Variants in CERS6 observed in about 807,000 individuals in gnomAD.
CERS6 encodes ceramide synthase 6, also known as LAG1 homolog, ceramide synthase 6.
In CERS6, 26 loss-of-function variants were observed where a neutral mutation model predicts 56.8. The ratio of observed to expected loss-of-function variants is 0.46; its 90% CI spans 0.34 to 0.63. CERS6 has a LOEUF of 0.63. Ranked by LOEUF, CERS6 falls within the 30% of genes least tolerant of loss-of-function variation. The pLI, the probability that CERS6 is intolerant of heterozygous loss-of-function variation, is 0.01. For synonymous variants in CERS6, 164 were observed against 173.3 expected (o/e 0.95, Z 0.42); for missense variants, 415 against 467.5 (o/e 0.89, Z 1.04).
In CERS6 at chr2:168,640,058, G is replaced by T. The variant is rs542366894; in HGVS notation, c.465+9016G>T. 2.6e-5 allele frequency among the ~76,000 whole-genome samples: 4 copies of T among 152,256 alleles called. No homozygotes were observed. In the East Asian group the frequency reaches 7.7e-4, roughly 29 times the overall value. On this transcript the variant is annotated intron_variant, in intron 4 of 9. Coordinates refer to ENST00000305747, the MANE Select transcript of CERS6 (RefSeq NM_203463.3). ...GTAGGCTTCCACAAGGAAGTGAAGA[G>T]TGAAAAGGATAAAGTAACTTTTTCC...
intron 8 of CERS6, among the ~76,000 whole-genome samples, chr2:168,732,108 T>G (rs1479620561): frequency 6.6e-6 from 1 of 152,208 alleles, no homozygotes; most frequent in East Asian, 1.9e-4. Flanking sequence ...GACCCCCTTC[T>G]TCTTTCCTAG....
intron 2 of CERS6, among the ~76,000 whole-genome samples, chr2:168,559,656 A>G (rs1013142516): frequency 1.4e-5 from 2 of 147,596 alleles, no homozygotes; most frequent in South Asian, 4.4e-4. Context: ...GGGTTTCAAC[A>G]TACAAATTTT....
At chr2:168,684,913 TG>T (rs1190886311) in intron 4 of CERS6, among the ~76,000 whole-genome samples, 1 of 151,724 alleles carries the variant, frequency 6.6e-6, no homozygotes, top group African/African-American at 2.4e-5. Flanking sequence ...ATTTTTCTTA[TG>T]TTTTTTTTCT....
At chr2:168,734,712 T>C (rs1338469282) in intron 8 of CERS6, among the ~76,000 whole-genome samples, 1 of 152,164 alleles carries the variant, frequency 6.6e-6, no homozygotes, top group Admixed American at 6.5e-5. Flanking sequence ...CTATATCACT[T>C]TGGTTTAAAA....
chr2:168,579,483 C>T (rs182929169), intron 3 of CERS6, among the ~76,000 whole-genome samples: 4 of 152,256 alleles, frequency 2.6e-5, no homozygotes, highest in Non-Finnish European at 2.9e-5. Context: ...TCCTTCCTTG[C>T]GTGCCATGCT....
At position 168,668,401 on chromosome 2, in the gene CERS6, A is replaced by C. The variant is rs141990193; in HGVS notation, c.466-22633A>C. ...CATGTCCTAAGGAGTCCTTCTGTGA[A>C]TGGAGCTTTAGTTCATTGCTTGCAC... On this transcript the variant is annotated intron_variant, in intron 4 of 9. Coordinates refer to ENST00000305747, the MANE Select transcript of CERS6 (RefSeq NM_203463.3). Among the ~76,000 whole-genome samples the C allele has an allele frequency of 1.8e-3, 266 of 151,096 alleles. 1 individual carries two copies. The Middle Eastern group carries it at 0.025, about 14-fold the overall frequency.
At chr2:168,518,950 G>T (rs1368660437) in intron 1 of CERS6, among the ~76,000 whole-genome samples, 1 of 152,020 alleles carries the variant, frequency 6.6e-6, no homozygotes, top group Admixed American at 6.5e-5. Flanking sequence ...TGCACAGTCA[G>T]CAGTTCCCAA....
intron 8 of CERS6, among the ~76,000 whole-genome samples, chr2:168,761,204 G>A (rs16855794): frequency 0.054 from 8,208 of 152,178 alleles, 362 homozygotes; most frequent in African/African-American, 0.12. Flanking sequence ...TGTCTCTACA[G>A]GAAGCCAAGT....
chr2:168,468,194 G>C (rs1418624762), intron 1 of CERS6, among the ~76,000 whole-genome samples: 1 of 152,170 alleles, frequency 6.6e-6, no homozygotes, highest in Non-Finnish European at 1.5e-5. Context: ...TGGCTTCTGT[G>C]CCTTTGGAGA....
intron 4 of CERS6, among the ~76,000 whole-genome samples, chr2:168,648,997 A>G (rs6433085): frequency 0.35 from 53,210 of 151,980 alleles, 12,106 homozygotes; most frequent in African/African-American, 0.64. Flanking sequence ...GTAGAACTCT[A>G]TCAGATTCAT....
intron 5 of CERS6, among the ~76,000 whole-genome samples, chr2:168,692,046 G>A (rs1024501898): frequency 5.3e-5 from 8 of 152,134 alleles, no homozygotes; most frequent in Non-Finnish European, 1.0e-4. Flanking sequence ...TACTCCTTGA[G>A]CTAGTTCAAC....
rs1475480617 is a variant in CERS6 at position 168,772,498 on chromosome 2, C to G, written c.*2836C>G. On this transcript the variant is annotated 3_prime_UTR_variant, in exon 10 of 10. Coordinates refer to ENST00000305747, the MANE Select transcript of CERS6 (RefSeq NM_203463.3). Reference sequence around the variant, plus strand: ...CCCTACCCATATTCTTTTCATAAAACCCACTCACCAGGTACAATAGAAACT... The same window carrying G: ...CCCTACCCATATTCTTTTCATAAAAGCCACTCACCAGGTACAATAGAAACT... The G allele has an allele frequency of 6.6e-6, 1 of 152,586 alleles. No homozygotes were observed. The highest frequency in any genetic ancestry group is 1.5e-5 in the Non-Finnish European group (1 of 68,032). 9.5% of individuals were successfully genotyped at this position (152,586 alleles called of 1,614,324 possible).
intron 1 of CERS6, among the ~76,000 whole-genome samples, chr2:168,491,822 A>G (rs1427793788): frequency 2.6e-5 from 4 of 151,990 alleles, no homozygotes; most frequent in African/African-American, 4.8e-5. Flanking sequence ...CCCTGTGTCC[A>G]TGTGTTCTCA....
chr2:168,583,186 A>G (rs1047970110), intron 3 of CERS6, among the ~76,000 whole-genome samples: 4 of 152,178 alleles, frequency 2.6e-5, no homozygotes, highest in Non-Finnish European at 4.4e-5. Flanking sequence ...TGAACCTTAG[A>G]AATATGCACT....
At chr2:168,520,769 C>A in intron 1 of CERS6, among the ~76,000 whole-genome samples, 1 of 151,562 alleles carries the variant, frequency 6.6e-6, no homozygotes, top group Admixed American at 6.6e-5. Context: ...ACCAACACAC[C>A]CAGCTTATTT....
chr2:168,615,279 A>G (rs1243314760), intron 3 of CERS6, among the ~76,000 whole-genome samples: 4 of 152,118 alleles, frequency 2.6e-5, no homozygotes, highest in Admixed American at 6.5e-5. Context: ...AACCAGAAAA[A>G]CAATTCTGGA....
At chr2:168,704,326 T>C (rs1356768229) in intron 6 of CERS6, among the ~76,000 whole-genome samples, 1 of 151,880 alleles carries the variant, frequency 6.6e-6, no homozygotes, top group Non-Finnish European at 1.5e-5. Context: ...GGCACATAAA[T>C]TCGGGTCCTC....
intron 4 of CERS6, among the ~76,000 whole-genome samples, chr2:168,665,679 G>A (rs887776211): frequency 6.6e-6 from 1 of 151,848 alleles, no homozygotes; most frequent in African/African-American, 2.4e-5. Context: ...GCTCTGTGAG[G>A]CCAAGTATCT....
intron 8 of CERS6, among the ~76,000 whole-genome samples, chr2:168,732,862 C>G (rs1337319682): frequency 6.6e-6 from 1 of 151,940 alleles, no homozygotes; most frequent in Non-Finnish European, 1.5e-5. Context: ...ATCTTCTGGC[C>G]TGCTTTTTTT....
Sources: gnomAD v4.1 joint callset for allele counts (sites outside exome capture counted in the v4.1 genomes callset) on GRCh38, gnomAD v4.1.1 for gene constraint, MANE v1.5 for transcripts, NCBI Gene and HGNC (gene_info 2026-07-23, HGNC 2026-07-21) for gene names.